DNAH6: variants seen among roughly 807,000 people sequenced by gnomAD.
DNAH6 encodes dynein axonemal heavy chain 6.
DNAH6 carries 340 observed loss-of-function variants against 491.4 expected under a neutral mutation model. The observed-to-expected ratio is 0.69, with a 90% CI of 0.63 to 0.76. The LOEUF (loss-of-function observed/expected upper bound fraction) is 0.76. Among genes scored for constraint, DNAH6 ranks in the 30% least tolerant of loss-of-function variants. The pLI is 0.00. For synonymous variants in DNAH6, 1,603 were observed against 1,686.1 expected, an observed-to-expected ratio of 0.95 and a Z score of 1.21; for missense variants, 4,443 against 4,972.2, an observed-to-expected ratio of 0.89 and a Z score of 3.20.
At chr2:84,556,314 G>A (rs1680017261) in intron 10 of DNAH6, among the ~76,000 whole-genome samples, 1 of 152,050 alleles carries the variant, frequency 6.6e-6, no homozygotes, top group Non-Finnish European at 1.5e-5. Flanking sequence ...GCTAACACTG[G>A]CATCATGCAC....
intron 62 of DNAH6, among the ~76,000 whole-genome samples, chr2:84,735,827 G>C (rs1402754502): frequency 6.6e-6 from 1 of 152,120 alleles, no homozygotes; most frequent in Non-Finnish European, 1.5e-5. Context: ...TACATTGTCT[G>C]TTCACTCAGT....
At chr2:84,687,784 C>T (rs1182406923) in intron 44 of DNAH6, among the ~76,000 whole-genome samples, 1 of 152,194 alleles carries the variant, frequency 6.6e-6, no homozygotes, top group Non-Finnish European at 1.5e-5. Flanking sequence ...CCCTACACTT[C>T]ACACCTGAAT....
intron 54 of DNAH6, among the ~76,000 whole-genome samples, chr2:84,709,139 T>C (rs1481699748): frequency 6.6e-6 from 1 of 152,240 alleles, no homozygotes; most frequent in Non-Finnish European, 1.5e-5. Context: ...AAGTCACATC[T>C]AACTAATGGT....
chr2:84,524,482 G>C (rs1676431756), intron 2 of DNAH6, among the ~76,000 whole-genome samples: 1 of 151,956 alleles, frequency 6.6e-6, no homozygotes, highest in Non-Finnish European at 1.5e-5. Context: ...TCATTGTGTT[G>C]TTAGCTGTTT....
At chr2:84,465,125 G>A in the DNAH6 span, among the ~76,000 whole-genome samples, 1 of 152,160 alleles carries the variant, frequency 6.6e-6, no homozygotes, top group African/African-American at 2.4e-5. Flanking sequence ...AGAAGGCCTC[G>A]TTATGGTAAG....
chr2:84,795,170 G>A (rs1254307952), intron 68 of DNAH6, among the ~76,000 whole-genome samples: 1 of 115,798 alleles, frequency 8.6e-6, no homozygotes, highest in Admixed American at 9.8e-5. Flanking sequence ...ACTGTTGTGG[G>A]GTGGGGGGAG....
Position 84,588,955 on chromosome 2 carries a change from G to C in DNAH6, c.2610+1G>C, listed in dbSNP as rs1683830415. On this transcript the variant is annotated splice_donor_variant, in intron 16 of 76. Transcript: ENST00000389394. LOFTEE classifies it high-confidence loss of function. The stretch of plus-strand genomic sequence containing the variant: ...TAAGTCCTATCAGAAGAATTTTAAG[G>C]TAATGACAGTTTTACACCATCTGTC... 1 of 1,543,186 alleles carries C rather than the reference G, an allele frequency of 6.5e-7. No individual in the cohort carries two copies. Among genetic ancestry groups the C allele is most frequent in the Non-Finnish European group, 8.7e-7 (1 of 1,144,474 alleles).
At chr2:84,635,986 A>G (rs1688846381) in intron 30 of DNAH6, among the ~76,000 whole-genome samples, 1 of 152,150 alleles carries the variant, frequency 6.6e-6, no homozygotes, top group Non-Finnish European at 1.5e-5. Context: ...TATTAATCCC[A>G]GAATCTAAGC....
Position 84,752,803 on chromosome 2 carries a change from T to G in DNAH6, c.10512+7554T>G, listed in dbSNP as rs146936766. On this transcript the variant is annotated intron_variant, in intron 63 of 76. Coordinates refer to ENST00000389394, the MANE Select transcript of DNAH6 (RefSeq NM_001370.2). ...CGTGGATATGCCACATTTTATATAT[T>G]CATTCTCAGTTGATGAACATTTATG... is the stretch of plus-strand genomic sequence containing the variant. 7.3e-3 allele frequency among the ~76,000 whole-genome samples: 1,107 copies of G among 152,328 alleles called. 13 individuals are homozygous for G. The highest frequency in any genetic ancestry group is 0.025 in the African/African-American group (1,023 of 41,566).
the DNAH6 span, among the ~76,000 whole-genome samples, chr2:84,485,860 T>G: frequency 3.3e-5 from 5 of 151,912 alleles, no homozygotes; most frequent in Middle Eastern, 6.8e-3. Context: ...TCTGTGGGAC[T>G]TGGAAATATT....
At chr2:84,802,548 A>G (rs1252918867) in intron 70 of DNAH6, among the ~76,000 whole-genome samples, 2 of 152,216 alleles carry the variant, frequency 1.3e-5, no homozygotes, top group Non-Finnish European at 2.9e-5. Flanking sequence ...ACTCAGATTT[A>G]TAAAATAATT....
chr2:84,669,565 C>T, intron 38 of DNAH6, 55 bp downstream of exon 38: 2 of 1,409,918 alleles, frequency 1.4e-6, no homozygotes, highest in East Asian at 5.0e-5. Context: ...GCATGATGGA[C>T]TTAGAATCGT....
intron 37 of DNAH6, among the ~76,000 whole-genome samples, chr2:84,665,016 T>C (rs1369853838): frequency 6.6e-6 from 1 of 152,128 alleles, no homozygotes; most frequent in Non-Finnish European, 1.5e-5. Context: ...CATAATGAAA[T>C]GAAGGCAGAA....
the DNAH6 span, among the ~76,000 whole-genome samples, chr2:84,465,490 G>A: frequency 1.3e-4 from 20 of 151,876 alleles, no homozygotes; most frequent in South Asian, 1.3e-3. Flanking sequence ...GTGAGACTCT[G>A]TCTCAAAACA....
the DNAH6 span, among the ~76,000 whole-genome samples, chr2:84,494,945 T>G: frequency 6.6e-6 from 1 of 152,168 alleles, no homozygotes; most frequent in East Asian, 1.9e-4. Context: ...ATGCCAATGC[T>G]GCTAGTCAAT....
At chr2:84,672,231 A>C in intron 39 of DNAH6, 96 bp from the exon 40 acceptor site, 2 of 1,244,112 alleles carry the variant, frequency 1.6e-6, no homozygotes, top group Non-Finnish European at 2.2e-6. Context: ...TATGACCTGT[A>C]GGATGTCATT....
At chr2:84,631,254 C>CA (rs1688371584) in intron 29 of DNAH6, among the ~76,000 whole-genome samples, 1 of 152,080 alleles carries the variant, frequency 6.6e-6, no homozygotes, top group Admixed American at 6.6e-5. Flanking sequence ...GTCCAAACCA[C>CA]AAAAAATAAT....
intron 59 of DNAH6, among the ~76,000 whole-genome samples, chr2:84,719,725 T>C (rs1277127314): frequency 6.6e-6 from 1 of 152,056 alleles, no homozygotes; most frequent in Admixed American, 6.5e-5. Flanking sequence ...TGTCTCACCA[T>C]GTTGCCCAGG....
intron 15 of DNAH6, chr2:84,584,960 G>C (rs1368520164): frequency 6.6e-6 from 1 of 152,190 alleles, no homozygotes; most frequent in Admixed American, 6.5e-5. Context: ...TGGTTACCTT[G>C]TACCACTTTT....
Sources: allele counts gnomAD v4.1 joint callset (sites outside exome capture counted in the v4.1 genomes callset), GRCh38; gene constraint gnomAD v4.1.1; transcripts MANE v1.5; gene names NCBI Gene and HGNC (gene_info 2026-07-23, HGNC 2026-07-21).